Variants in RBFOX1 observed in about 807,000 individuals in gnomAD.
The protein encoded by RBFOX1 is RNA binding protein fox-1 homolog 1.
A neutral mutation model predicts 57.7 loss-of-function variants in RBFOX1; 8 were observed. The ratio of observed to expected loss-of-function variants is 0.14; its 90% CI spans 0.08 to 0.25. RBFOX1 has a LOEUF of 0.25. Among genes scored for constraint, RBFOX1 ranks in the 10% least tolerant of loss-of-function variants. The pLI, the probability that RBFOX1 is intolerant of heterozygous loss-of-function variation, is 1.00. For synonymous variants in RBFOX1, 326 were observed against 222.4 expected, an observed-to-expected ratio of 1.47 and a Z score of -4.15; for missense variants, 611 against 548.5, an observed-to-expected ratio of 1.11 and a Z score of -1.14.
intron 4 of RBFOX1, among the ~76,000 whole-genome samples, chr16:7,479,690 C>T (rs1019354895): frequency 2.0e-5 from 3 of 152,136 alleles, no homozygotes; most frequent in African/African-American, 7.2e-5. Flanking sequence ...GGCTGCTTCT[C>T]TCCGAGGGGA....
intron 3 of RBFOX1, among the ~76,000 whole-genome samples, chr16:6,746,542 T>C (rs1298934787): frequency 1.3e-5 from 2 of 151,980 alleles, no homozygotes; most frequent in Non-Finnish European, 1.5e-5. Context: ...CCGGGCATGA[T>C]GGCACATGTC....
chr16:7,209,839 C>G (rs923064325), intron 4 of RBFOX1, among the ~76,000 whole-genome samples: 2 of 152,082 alleles, frequency 1.3e-5, no homozygotes, highest in Non-Finnish European at 2.9e-5. Context: ...ACAAGAGTCT[C>G]TCCAGGGAAG....
At chr16:7,659,253 T>C (rs186534375) in intron 12 of RBFOX1, among the ~76,000 whole-genome samples, 257 of 152,304 alleles carry the variant, frequency 1.7e-3, no homozygotes, top group African/African-American at 6.0e-3. Flanking sequence ...AGCTGGTCAG[T>C]GGAAGAACAA....
At chr16:6,430,226 T>C (rs541074808) in intron 2 of RBFOX1, among the ~76,000 whole-genome samples, 2 of 152,276 alleles carry the variant, frequency 1.3e-5, no homozygotes, top group African/African-American at 4.8e-5. Flanking sequence ...ACCTACTGTG[T>C]GCTGGCTGAG....
At chr16:5,612,212 CTCATTCAT>C (rs57482052) in intron 3 of RBFOX1, among the ~76,000 whole-genome samples, 1 of 143,922 alleles carries the variant, frequency 6.9e-6, no homozygotes, top group African/African-American at 2.6e-5. Flanking sequence ...CCCCTCCACT[CTCATTCAT>C]TCATTCATTC....
intron 4 of RBFOX1, among the ~76,000 whole-genome samples, chr16:7,117,097 A>C (rs190304731): frequency 6.6e-6 from 1 of 152,292 alleles, no homozygotes; most frequent in East Asian, 1.9e-4. Flanking sequence ...ATAATGATAT[A>C]TCTGCAAAAC....
intron 1 of RBFOX1, among the ~76,000 whole-genome samples, chr16:5,361,962 A>T (rs1482818796): frequency 6.6e-6 from 1 of 152,252 alleles, no homozygotes; most frequent in Non-Finnish European, 1.5e-5. Flanking sequence ...CATTTCATTA[A>T]CAGAGCTAAA....
chr16:6,764,481 C>G (rs991142764), intron 3 of RBFOX1, among the ~76,000 whole-genome samples: 1 of 152,190 alleles, frequency 6.6e-6, no homozygotes, highest in Non-Finnish European at 1.5e-5. Context: ...CTGTCTCTGT[C>G]CATTCATTCA....
chr16:6,381,624 G>C (rs920530749), intron 2 of RBFOX1, among the ~76,000 whole-genome samples: 1 of 152,054 alleles, frequency 6.6e-6, no homozygotes, highest in African/African-American at 2.4e-5. Context: ...TATCTTCTTG[G>C]GTCATTGAAC....
rs750150151 is a variant in RBFOX1 at position 7,671,613 on chromosome 16, A to G, written c.931-5161A>G. On this transcript the variant is annotated intron_variant, in intron 13 of 15. Coordinates refer to ENST00000550418, the MANE Select transcript of RBFOX1 (RefSeq NM_018723.4). ...AAATTGCTGCAGGTATGAAATCCCG[A>G]CTGGTGGAGAAACTCATCACTATGA... 81 of 1,606,234 alleles carry G rather than the reference A, an allele frequency of 5.0e-5. 1 individual carries two copies. In the South Asian group the frequency reaches 8.6e-4, roughly 17 times the overall value.
At chr16:7,117,423 G>C (rs1002163058) in intron 4 of RBFOX1, among the ~76,000 whole-genome samples, 1 of 152,182 alleles carries the variant, frequency 6.6e-6, no homozygotes, top group African/African-American at 2.4e-5. Context: ...TAAGAGTACA[G>C]CTTCTGGAAT....
At chr16:6,786,818 A>T (rs574779374) in intron 3 of RBFOX1, among the ~76,000 whole-genome samples, 1 of 152,182 alleles carries the variant, frequency 6.6e-6, no homozygotes, top group African/African-American at 2.4e-5. Flanking sequence ...CATGGTCACA[A>T]TTGACTAAAA....
chr16:6,973,950 C>G (rs1263686593), intron 3 of RBFOX1, among the ~76,000 whole-genome samples: 2 of 152,052 alleles, frequency 1.3e-5, no homozygotes, highest in Admixed American at 6.6e-5. Flanking sequence ...CCAGCAGACC[C>G]CAGTGTGTGG....
intron 4 of RBFOX1, among the ~76,000 whole-genome samples, chr16:7,433,706 C>T (rs1240332184): frequency 6.6e-6 from 1 of 152,204 alleles, no homozygotes; most frequent in East Asian, 1.9e-4. Context: ...ATCCTTCTGT[C>T]CATCCATCTG....
At chr16:7,148,509 A>G (rs761115888) in intron 4 of RBFOX1, among the ~76,000 whole-genome samples, 2 of 152,226 alleles carry the variant, frequency 1.3e-5, no homozygotes, top group Non-Finnish European at 2.9e-5. Context: ...GAGGCTGTAT[A>G]CATTTAACAT....
chr16:5,952,070 A>AAT (rs1466351083), intron 4 of RBFOX1, among the ~76,000 whole-genome samples: 1 of 150,212 alleles, frequency 6.7e-6, no homozygotes, highest in East Asian at 1.9e-4. Context: ...CATCTATATA[A>AAT]ATATATGTGT....
rs1179895635 is a variant in RBFOX1 at position 5,244,423 on chromosome 16, G to C, written c.219+4318G>C. Among the ~76,000 whole-genome samples, 3 of 152,202 alleles carry C rather than the reference G, an allele frequency of 2.0e-5. No homozygotes were observed. The East Asian group carries it at 5.8e-4, about 29-fold the overall frequency. ...GTTCTCAGGGTCCAGGATTCCAGGAGGCAGGGATGTGGGCAGGCAGGGTAG... is the reference window on the plus strand; with the variant it reads ...GTTCTCAGGGTCCAGGATTCCAGGACGCAGGGATGTGGGCAGGCAGGGTAG... On this transcript the variant is annotated intron_variant, in intron 1 of 2. Coordinates refer to the RBFOX1 transcript ENST00000585867.
chr16:6,946,543 C>T (rs775863336), intron 3 of RBFOX1, among the ~76,000 whole-genome samples: 17 of 152,176 alleles, frequency 1.1e-4, no homozygotes, highest in Admixed American at 3.3e-4. Context: ...TAAGAACCTT[C>T]TTTCATAAAA....
chr16:6,345,194 C>G lies in RBFOX1; in HGVS notation c.-64+28137C>G, dbSNP rs946562415. 2.6e-5 allele frequency among the ~76,000 whole-genome samples: 4 copies of G among 152,232 alleles called. No individual in the cohort carries two copies. In the South Asian group the frequency reaches 8.3e-4, roughly 32 times the overall value. ...TAGATGAATCCCCACATTGGCGCTG[C>G]GTCCAGGAGGGTTCTTGGCTTTACC... On this transcript the variant is annotated intron_variant, in intron 2 of 15. Transcript: ENST00000550418.
Sources: gnomAD v4.1 joint callset for allele counts (sites outside exome capture counted in the v4.1 genomes callset) on GRCh38, gnomAD v4.1.1 for gene constraint, MANE v1.5 for transcripts, NCBI Gene and HGNC (gene_info 2026-07-23, HGNC 2026-07-21) for gene names.